Variants in TMEM117 observed in about 807,000 individuals in gnomAD.
TMEM117 encodes the protein transmembrane protein 117.
TMEM117 carries 27 observed loss-of-function variants against 52.4 expected under a neutral mutation model. The observed-to-expected ratio is 0.51, with a 90% CI of 0.38 to 0.71. The LOEUF (loss-of-function observed/expected upper bound fraction) is 0.71, where lower values mean the gene tolerates loss of function less well. Ranked by LOEUF, TMEM117 falls within the 30% of genes least tolerant of loss-of-function variation. The pLI is 0.00. For missense variants in TMEM117, 556 were observed against 630.5 expected, an observed-to-expected ratio of 0.88 and a Z score of 1.26; for synonymous variants, 215 against 206.3, an observed-to-expected ratio of 1.04 and a Z score of -0.36.
intron 3 of TMEM117, among the ~76,000 whole-genome samples, chr12:44,038,182 C>T (rs936515375): frequency 6.6e-6 from 1 of 152,102 alleles, no homozygotes; most frequent in Non-Finnish European, 1.5e-5. Flanking sequence ...GAAGCATGCC[C>T]CTTGCTTGCC....
At chr12:43,870,230 G>T (rs1451626153) in intron 2 of TMEM117, among the ~76,000 whole-genome samples, 1 of 151,276 alleles carries the variant, frequency 6.6e-6, no homozygotes, top group African/African-American at 2.4e-5. Flanking sequence ...CAGTGAACAT[G>T]TGAATAGTGC....
At chr12:43,960,138 T>A (rs1337174298) in intron 3 of TMEM117, among the ~76,000 whole-genome samples, 1 of 152,216 alleles carries the variant, frequency 6.6e-6, no homozygotes, top group Non-Finnish European at 1.5e-5. Flanking sequence ...AACATTGACT[T>A]GCTTGTACGA....
At chr12:44,100,929 G>A (rs916261980) in intron 3 of TMEM117, among the ~76,000 whole-genome samples, 2 of 151,794 alleles carry the variant, frequency 1.3e-5, no homozygotes, top group Admixed American at 1.3e-4. Flanking sequence ...TGACACACTG[G>A]GTGGATTATA....
At chr12:43,898,562 C>T (rs1420439305) in intron 2 of TMEM117, among the ~76,000 whole-genome samples, 1 of 151,952 alleles carries the variant, frequency 6.6e-6, no homozygotes, top group African/African-American at 2.4e-5. Context: ...CTGTAATCCA[C>T]TTTAGATATC....
chr12:44,117,333 C>T (rs1238223383), intron 3 of TMEM117, among the ~76,000 whole-genome samples: 1 of 149,858 alleles, frequency 6.7e-6, no homozygotes, highest in Non-Finnish European at 1.5e-5. Context: ...TTATCTAATC[C>T]ATAGCATACT....
rs12310788 is a variant in TMEM117, at chr12:44,247,133, A to G, written c.608+35746A>G. Among the ~76,000 whole-genome samples the G allele has an allele frequency of 3.2e-3, 495 of 152,322 alleles. 5 individuals carry two copies. The highest frequency in any genetic ancestry group is 0.011 in the African/African-American group (463 of 41,570). On this transcript the variant is annotated intron_variant, in intron 5 of 7. Transcript: ENST00000266534. ...AAGTATTGGCATAGGCAAAACTCCTATTTCTGCTCACAGCAGTGGTATTTA... is the reference window on the plus strand; with the variant it reads ...AAGTATTGGCATAGGCAAAACTCCTGTTTCTGCTCACAGCAGTGGTATTTA...
At chr12:44,258,816 G>C (rs955882388) in intron 5 of TMEM117, among the ~76,000 whole-genome samples, 2 of 152,086 alleles carry the variant, frequency 1.3e-5, no homozygotes, top group African/African-American at 4.8e-5. Flanking sequence ...GAATATTGAT[G>C]AATTCAGCCA....
At chr12:43,916,414 G>A (rs1056522268) in intron 2 of TMEM117, among the ~76,000 whole-genome samples, 11 of 152,214 alleles carry the variant, frequency 7.2e-5, no homozygotes, top group Admixed American at 3.3e-4. Flanking sequence ...ATGGATATAT[G>A]TTTATAAAAC....
intron 3 of TMEM117, among the ~76,000 whole-genome samples, chr12:43,979,990 C>T (rs1437623538): frequency 2.0e-5 from 3 of 152,128 alleles, no homozygotes; most frequent in Admixed American, 6.6e-5. Context: ...TCTTGATAAG[C>T]GTCAAAAGAA....
At chr12:44,107,674 A>G (rs1225398948) in intron 3 of TMEM117, among the ~76,000 whole-genome samples, 2 of 152,152 alleles carry the variant, frequency 1.3e-5, no homozygotes, top group Non-Finnish European at 2.9e-5. Context: ...ATGGTATTTA[A>G]TCAGCCTCCA....
At chr12:44,316,268 G>A (rs969756089) in intron 6 of TMEM117, among the ~76,000 whole-genome samples, 4 of 152,104 alleles carry the variant, frequency 2.6e-5, no homozygotes, top group African/African-American at 9.7e-5. Context: ...GTCTAATGGA[G>A]ATACATTCTC....
chr12:44,246,587 A>G (rs1228704582), intron 5 of TMEM117, among the ~76,000 whole-genome samples: 1 of 152,200 alleles, frequency 6.6e-6, no homozygotes, highest in East Asian at 1.9e-4. Flanking sequence ...ACAGCAATAT[A>G]TGTTGAACAT....
chr12:44,327,782 C>T (rs1592696254), intron 6 of TMEM117, among the ~76,000 whole-genome samples: 1 of 151,992 alleles, frequency 6.6e-6, no homozygotes, highest in East Asian at 1.9e-4. Flanking sequence ...TCAGTCCTTT[C>T]AGATATAAGT....
chr12:44,234,515 T>C (rs1030456044), intron 5 of TMEM117, among the ~76,000 whole-genome samples: 1 of 151,272 alleles, frequency 6.6e-6, no homozygotes, highest in African/African-American at 2.4e-5. Flanking sequence ...TCTATAGTTT[T>C]TCAAATTAAT....
At chr12:44,076,085 A>G (rs1838285010) in intron 3 of TMEM117, among the ~76,000 whole-genome samples, 1 of 152,220 alleles carries the variant, frequency 6.6e-6, no homozygotes, top group Non-Finnish European at 1.5e-5. Context: ...ACTTTTTCAT[A>G]AGAGGAAAAT....
At chr12:44,294,547 C>G (rs1303869443) in intron 5 of TMEM117, among the ~76,000 whole-genome samples, 1 of 152,150 alleles carries the variant, frequency 6.6e-6, no homozygotes, top group Non-Finnish European at 1.5e-5. Context: ...TCTTGGGAAA[C>G]TCAGCATACC....
the TMEM117 span, among the ~76,000 whole-genome samples, chr12:43,830,349 C>T: frequency 8.7e-4 from 133 of 152,042 alleles, 3 homozygotes; most frequent in East Asian, 0.024. Flanking sequence ...TGGATCATGC[C>T]TGTAATCCCA....
At chr12:44,384,671 TTTAG>T (rs1445007376) in intron 7 of TMEM117, among the ~76,000 whole-genome samples, 1 of 152,166 alleles carries the variant, frequency 6.6e-6, no homozygotes, top group Non-Finnish European at 1.5e-5. Flanking sequence ...ATTGTTGGTA[TTTAG>T]TAATGCATAC....
At chr12:43,924,987 C>T (rs1377918934) in intron 2 of TMEM117, among the ~76,000 whole-genome samples, 1 of 152,248 alleles carries the variant, frequency 6.6e-6, no homozygotes, top group African/African-American at 2.4e-5. Context: ...GATGTTCTCT[C>T]AAATGGATGG....
Sources: gnomAD v4.1 joint callset for allele counts (sites outside exome capture counted in the v4.1 genomes callset) on GRCh38, gnomAD v4.1.1 for gene constraint, MANE v1.5 for transcripts, NCBI Gene and HGNC (gene_info 2026-07-23, HGNC 2026-07-21) for gene names.